The following RAD51B variants were observed in gnomAD, a reference collection of about 807,000 sequenced individuals.
The protein encoded by RAD51B is RAD51 paralog B.
Under a neutral mutation model 42.2 loss-of-function variants are expected in RAD51B, and 38 were observed. That is an observed-to-expected ratio of 0.90 (90% CI 0.70 to 1.18). The LOEUF is 1.18. Among genes scored for constraint, RAD51B ranks in the 50% most tolerant of loss-of-function variants. The pLI is 0.00. For synonymous variants in RAD51B, 154 were observed against 145.2 expected (o/e 1.06, Z -0.43); for missense variants, 373 against 400.7 (o/e 0.93, Z 0.59).
chr14:67,870,922 G>T (rs1255999581), intron 5 of RAD51B, among the ~76,000 whole-genome samples: 4 of 134,842 alleles, frequency 3.0e-5, no homozygotes, highest in Non-Finnish European at 4.8e-5. Flanking sequence ...GAATCTCTGG[G>T]ACGCATTTAA....
chr14:68,093,974 G>C lies in RAD51B; in HGVS notation c.757-197910G>C, dbSNP rs149948018. On this transcript the variant is annotated intron_variant, in intron 7 of 10. Transcript: ENST00000471583. ...AGTCTGCAGCCCACCAGTTGTGTAA[G>C]AACACTCCTGCTGCCCTACTTCTTT... Among the ~76,000 whole-genome samples, 45 of 152,308 alleles carry C rather than the reference G, an allele frequency of 3.0e-4. No homozygotes were observed. The East Asian group carries it at 8.3e-3, about 28-fold the overall frequency.
chr14:68,029,051 G>T (rs527482900), intron 7 of RAD51B, among the ~76,000 whole-genome samples: 14 of 152,342 alleles, frequency 9.2e-5, no homozygotes, highest in Admixed American at 5.9e-4. Flanking sequence ...CAGTCCCACA[G>T]TCTCTTCATT....
At chr14:68,420,405 C>T (rs2084668360) in intron 9 of RAD51B, among the ~76,000 whole-genome samples, 1 of 151,886 alleles carries the variant, frequency 6.6e-6, no homozygotes, top group Non-Finnish European at 1.5e-5. Flanking sequence ...CACAGCAACC[C>T]GAAGAGCTGC....
chr14:67,864,040 C>T (rs1358403949), intron 4 of RAD51B, among the ~76,000 whole-genome samples: 1 of 135,422 alleles, frequency 7.4e-6, no homozygotes, highest in Admixed American at 7.3e-5. Context: ...TATGGCAGAA[C>T]AGGAGAGAGA....
chr14:68,652,158 A>G (rs911774047), intron 11 of RAD51B, among the ~76,000 whole-genome samples: 1 of 152,124 alleles, frequency 6.6e-6, no homozygotes, highest in Non-Finnish European at 1.5e-5. Context: ...CGCCAACTTC[A>G]CATTTTCCTT....
intron 7 of RAD51B, among the ~76,000 whole-genome samples, chr14:68,121,935 G>T (rs2077659067): frequency 6.6e-6 from 1 of 151,648 alleles, no homozygotes. Flanking sequence ...AGGAGTATAA[G>T]ATATATATAC....
At chr14:67,828,308 C>G (rs528850149) in intron 3 of RAD51B, among the ~76,000 whole-genome samples, 1 of 149,856 alleles carries the variant, frequency 6.7e-6, no homozygotes, top group Non-Finnish European at 1.5e-5. Flanking sequence ...AGTATCTGTT[C>G]ATGTTCTTAG....
intron 7 of RAD51B, among the ~76,000 whole-genome samples, chr14:67,924,019 T>A (rs960592288): frequency 6.6e-6 from 1 of 152,238 alleles, no homozygotes; most frequent in African/African-American, 2.4e-5. Context: ...GCCATTTGTA[T>A]ATCTTCTTTT....
intron 7 of RAD51B, among the ~76,000 whole-genome samples, chr14:67,941,720 C>T (rs1320755902): frequency 6.6e-6 from 1 of 152,178 alleles, no homozygotes; most frequent in Non-Finnish European, 1.5e-5. Context: ...AGATATAGCA[C>T]AGTACCTCCT....
chr14:67,915,189 C>T (rs1267591972), intron 7 of RAD51B, among the ~76,000 whole-genome samples: 2 of 152,042 alleles, frequency 1.3e-5, no homozygotes, highest in African/African-American at 4.8e-5. Context: ...CGCAATATAC[C>T]CTTGTAACAA....
chr14:68,081,892 G>T (rs1274976152), intron 7 of RAD51B, among the ~76,000 whole-genome samples: 2 of 152,002 alleles, frequency 1.3e-5, no homozygotes, highest in African/African-American at 4.8e-5. Flanking sequence ...GAGTTATAGA[G>T]TGATAAATAC....
intron 7 of RAD51B, among the ~76,000 whole-genome samples, chr14:68,166,285 C>T (rs905010475): frequency 1.3e-5 from 2 of 150,894 alleles, no homozygotes; most frequent in Non-Finnish European, 3.0e-5. Context: ...TCTCATAGTC[C>T]GAAGCATAAA....
chr14:68,289,307 T>C (rs1470767625), intron 7 of RAD51B, among the ~76,000 whole-genome samples: 1 of 152,244 alleles, frequency 6.6e-6, no homozygotes, highest in Admixed American at 6.5e-5. Flanking sequence ...TCATAAAAAT[T>C]CTATGAGATA....
At chr14:68,595,749 G>A in exon 11 of RAD51B, 3 of 591,972 alleles carry the variant, frequency 5.1e-6, no homozygotes, top group Non-Finnish European at 6.7e-6. Flanking sequence ...GTCAGAAGAA[G>A]GCTTAATCTC....
chr14:68,448,452 C>A (rs1427882064), intron 9 of RAD51B, among the ~76,000 whole-genome samples: 1 of 152,134 alleles, frequency 6.6e-6, no homozygotes, highest in Admixed American at 6.6e-5. Context: ...CAAACCTGGG[C>A]CATTTAGCTT....
chr14:68,450,942 A>G (rs1471246661), intron 9 of RAD51B, among the ~76,000 whole-genome samples: 2 of 152,148 alleles, frequency 1.3e-5, no homozygotes, highest in African/African-American at 4.8e-5. Flanking sequence ...GCTCAGTGCC[A>G]GGCCATGCTG....
intron 7 of RAD51B, among the ~76,000 whole-genome samples, chr14:68,036,152 G>A (rs928953420): frequency 1.3e-5 from 2 of 152,100 alleles, no homozygotes; most frequent in Admixed American, 1.3e-4. Context: ...GCTTTTATGA[G>A]CATTATTTAT....
intron 10 of RAD51B, among the ~76,000 whole-genome samples, chr14:68,490,523 A>G (rs908947040): frequency 3.3e-5 from 5 of 152,256 alleles, no homozygotes; most frequent in African/African-American, 1.2e-4. Context: ...TCTCTAAGAC[A>G]TATTGCCCCA....
At chr14:68,490,056 A>G (rs1398631345) in intron 10 of RAD51B, among the ~76,000 whole-genome samples, 1 of 152,190 alleles carries the variant, frequency 6.6e-6, no homozygotes, top group Non-Finnish European at 1.5e-5. Flanking sequence ...GCCTCTACTT[A>G]TTTTTTAAAC....
Sources: allele counts gnomAD v4.1 joint callset (sites outside exome capture counted in the v4.1 genomes callset), GRCh38; gene constraint gnomAD v4.1.1; transcripts MANE v1.5; gene names NCBI Gene and HGNC (gene_info 2026-07-23, HGNC 2026-07-21).